The following HIP1 variants were observed in gnomAD, a reference collection of about 807,000 sequenced individuals.
HIP1 encodes huntingtin interacting protein 1.
HIP1 carries 65 observed loss-of-function variants against 147.6 expected under a neutral mutation model. That is an observed-to-expected ratio of 0.44 (90% CI 0.36 to 0.54). The LOEUF (loss-of-function observed/expected upper bound fraction) is 0.54. HIP1 is among the 20% of genes least tolerant of loss of function. HIP1 has a pLI of 0.00. For synonymous variants in HIP1, 479 were observed against 504.0 expected, an observed-to-expected ratio of 0.95 and a Z score of 0.67; for missense variants, 1,061 against 1,299.6, an observed-to-expected ratio of 0.82 and a Z score of 2.82.
intron 1 of HIP1, among the ~76,000 whole-genome samples, chr7:75,667,505 A>T (rs1334218299): frequency 1.3e-5 from 2 of 152,244 alleles, no homozygotes; most frequent in African/African-American, 2.4e-5. Context: ...TTGAAAATGG[A>T]GGCAGGGTCT....
intron 6 of HIP1, among the ~76,000 whole-genome samples, chr7:75,581,853 A>G (rs908444063): frequency 6.6e-6 from 1 of 152,164 alleles, no homozygotes; most frequent in Non-Finnish European, 1.5e-5. Context: ...GAGGGCAGAA[A>G]GCGAGACAGA....
chr7:75,650,453 C>CTTTTTTT (rs782108312), intron 1 of HIP1, among the ~76,000 whole-genome samples: 13,707 of 125,650 alleles, frequency 0.11, 1,057 homozygotes, highest in Middle Eastern at 0.19. Flanking sequence ...GCCCAGTTAT[C>CTTTTTTT]TTTTTTTTTT....
rs185642828 is a variant in HIP1 at position 75,682,159 on chromosome 7, G to A, written c.120+56642C>T. Among the ~76,000 whole-genome samples the A allele has an allele frequency of 4.0e-3, 593 of 149,810 alleles. 6 individuals are homozygous for A. The highest frequency in any genetic ancestry group is 0.014 in the African/African-American group (576 of 40,596). Reference sequence around the variant, plus strand: ...TTTTTAGTACAGATGGGGTTTCACCGTCTTGGCCAGGTTGGTCTTGAACTC... The same window carrying A: ...TTTTTAGTACAGATGGGGTTTCACCATCTTGGCCAGGTTGGTCTTGAACTC... On this transcript the variant is annotated intron_variant, in intron 1 of 30. Coordinates refer to ENST00000336926, the MANE Select transcript of HIP1 (RefSeq NM_005338.7).
chr7:75,584,883 C>T (rs1446005281), intron 5 of HIP1, among the ~76,000 whole-genome samples: 2 of 149,568 alleles, frequency 1.3e-5, no homozygotes, highest in East Asian at 3.9e-4. Flanking sequence ...GAGTCTTGCT[C>T]TGTCACCCAG....
At chr7:75,649,123 C>A (rs950275211) in intron 1 of HIP1, among the ~76,000 whole-genome samples, 1 of 152,054 alleles carries the variant, frequency 6.6e-6, no homozygotes. Flanking sequence ...CTCCCGGGTT[C>A]AAGCAATTCT....
In HIP1 at chr7:75,581,315, A is replaced by G; in HGVS notation, c.543-17T>C. 6.2e-7 allele frequency: 1 copy of G among 1,606,528 alleles called. No homozygotes were observed. Among genetic ancestry groups the G allele is most frequent in the South Asian group, 1.1e-5 (1 of 90,124 alleles). On this transcript the variant is annotated splice_polypyrimidine_tract_variant and intron_variant, in intron 6 of 30. Transcript: ENST00000336926. ...AACTGGAAACTGGACCCAAGAGGAA[A>G]GAGAGCTTACACTCCACAGCCTGAG... is the stretch of plus-strand genomic sequence containing the variant.
intron 1 of HIP1, among the ~76,000 whole-genome samples, chr7:75,678,436 C>G (rs571322027): frequency 5.9e-5 from 9 of 151,452 alleles, no homozygotes; most frequent in Middle Eastern, 6.8e-3. Context: ...CTCCCTCTCC[C>G]AGCTTCAAGG....
rs11437703 is a variant in HIP1 at position 75,665,546 on chromosome 7, AT to A, written c.121-66300del. On this transcript the variant is annotated intron_variant, in intron 1 of 30. Coordinates refer to ENST00000336926, the MANE Select transcript of HIP1 (RefSeq NM_005338.7). ...TAAAGCTTCTCATTTTTCCGTAGTCATTTTTTTTTTTTTGAGACAGTCTCGC... is the reference window on the plus strand; with the variant it reads ...TAAAGCTTCTCATTTTTCCGTAGTCATTTTTTTTTTTTGAGACAGTCTCGC... Among the ~76,000 whole-genome samples, 1,375 of 144,474 alleles carry A rather than the reference AT, an allele frequency of 9.5e-3. 21 individuals are homozygous for A. The highest frequency in any genetic ancestry group is 0.029 in the African/African-American group (1,150 of 39,390). The allele number at this position is 144,474 out of a possible 152,430, so 94.8% of individuals were successfully genotyped here. A position where few individuals can be genotyped will look rare whatever the true frequency, so the allele number is the denominator to read the frequency against.
At chr7:75,713,137 C>T (rs536396874) in intron 1 of HIP1, among the ~76,000 whole-genome samples, 2 of 152,300 alleles carry the variant, frequency 1.3e-5, no homozygotes, top group African/African-American at 4.8e-5. Flanking sequence ...TGGAAGGGCA[C>T]AAAGTGAGTG....
At chr7:75,618,280 T>C (rs921405975) in intron 1 of HIP1, among the ~76,000 whole-genome samples, 1 of 152,066 alleles carries the variant, frequency 6.6e-6, no homozygotes. Flanking sequence ...GCCTCCCGAG[T>C]GGCTGGGATT....
At chr7:75,635,699 G>A (rs1411921615) in intron 1 of HIP1, among the ~76,000 whole-genome samples, 1 of 151,988 alleles carries the variant, frequency 6.6e-6, no homozygotes, top group African/African-American at 2.4e-5. Context: ...ACAGATGAGG[G>A]TAAGAGGTTA....
chr7:75,553,448 A>C lies in HIP1; in HGVS notation c.2295+5T>G, dbSNP rs782595992. 6.2e-7 allele frequency: 1 copy of C among 1,613,698 alleles called. No homozygotes were observed. The highest frequency in any genetic ancestry group is 1.7e-5 in the Admixed American group (1 of 60,006). On this transcript the variant is annotated splice_donor_5th_base_variant and intron_variant, in intron 22 of 30. Coordinates refer to ENST00000336926, the MANE Select transcript of HIP1 (RefSeq NM_005338.7). ...AATGCTCCTCAATGATACTACTCCAAGTACCTCGCCGATGGCCTTGATCTT... is the reference window on the plus strand; with the variant it reads ...AATGCTCCTCAATGATACTACTCCACGTACCTCGCCGATGGCCTTGATCTT...
intron 1 of HIP1, among the ~76,000 whole-genome samples, chr7:75,632,845 T>C (rs1554509135): frequency 1.3e-5 from 2 of 152,238 alleles, no homozygotes; most frequent in Non-Finnish European, 2.9e-5. Flanking sequence ...AACAAGATTA[T>C]GTCCTTTGCA....
intron 1 of HIP1, among the ~76,000 whole-genome samples, 178 bp from the exon 2 acceptor site, chr7:75,599,425 G>C (rs1796889183): frequency 6.6e-6 from 1 of 152,180 alleles, no homozygotes; most frequent in Admixed American, 6.5e-5. Flanking sequence ...AGCGCTCCCA[G>C]GAGCCAGCTG....
chr7:75,574,136 T>C (rs587697531), intron 7 of HIP1, among the ~76,000 whole-genome samples: 21 of 152,242 alleles, frequency 1.4e-4, no homozygotes, highest in African/African-American at 5.1e-4. Context: ...AGTCAGGAAG[T>C]GGTTTTGTTA....
At position 75,561,380 on chromosome 7, in the gene HIP1, T is replaced by C; in HGVS notation, c.1140A>G (p.Leu380=). The change falls in exon 13 of 31, where the codon CTA becomes CTG. Residue 380 remains leucine, a synonymous_variant. Transcript: ENST00000336926. ...CCTTCAATCCACTGATCTCTCTGTATAGTCGCTCAATTAAGTGGTCCCTGG... is the reference window on the plus strand; with the variant it reads ...CCTTCAATCCACTGATCTCTCTGTACAGTCGCTCAATTAAGTGGTCCCTGG... ...KDEKDHLIER[L]YREISGLKAQ... is the part of the protein sequence containing the mutation. The C allele has an allele frequency of 1.2e-6, 2 of 1,612,970 alleles. No homozygotes were observed. Among genetic ancestry groups the C allele is most frequent in the Middle Eastern group, 1.7e-4 (1 of 6,060 alleles).
At chr7:75,643,899 T>C (rs929394924) in intron 1 of HIP1, among the ~76,000 whole-genome samples, 1 of 151,294 alleles carries the variant, frequency 6.6e-6, no homozygotes, top group East Asian at 1.9e-4. Context: ...ACTCGAGAGG[T>C]TGAGACAGGA....
chr7:75,645,137 C>T (rs559261708), intron 1 of HIP1, among the ~76,000 whole-genome samples: 4 of 152,266 alleles, frequency 2.6e-5, no homozygotes, highest in Non-Finnish European at 5.9e-5. Flanking sequence ...TAACAGATAA[C>T]ATTGATCACG....
chr7:75,692,566 A>G (rs10281798), intron 1 of HIP1, among the ~76,000 whole-genome samples: 85,564 of 150,430 alleles, frequency 0.57, 25,570 homozygotes, highest in African/African-American at 0.75. Flanking sequence ...GATTACTGGC[A>G]TGAACCACCA....
Sources: gnomAD v4.1 joint callset for allele counts (sites outside exome capture counted in the v4.1 genomes callset) on GRCh38, gnomAD v4.1.1 for gene constraint, MANE v1.5 for transcripts, NCBI Gene and HGNC (gene_info 2026-07-23, HGNC 2026-07-21) for gene names.